Variants in NRXN3 observed in about 807,000 individuals in gnomAD.
The protein encoded by NRXN3 is neurexin 3, also known as neurexin III.
In NRXN3, 32 loss-of-function variants were observed where a neutral mutation model predicts 137.6. The observed-to-expected ratio is 0.23, with a 90% confidence interval of 0.18 to 0.31. The LOEUF (loss-of-function observed/expected upper bound fraction) is 0.31, where lower values mean the gene tolerates loss of function less well. Ranked by LOEUF, NRXN3 falls within the 10% of genes least tolerant of loss-of-function variation. The pLI, the probability that NRXN3 is intolerant of heterozygous loss-of-function variation, is 1.00. For synonymous variants in NRXN3, 798 were observed against 784.5 expected (o/e 1.02, Z -0.29); for missense variants, 1,574 against 2,062.5 (o/e 0.76, Z 4.59).
chr14:79,611,498 A>G (rs28633816), intron 16 of NRXN3: 55,182 of 152,142 alleles, frequency 0.36, 11,387 homozygotes, highest in African/African-American at 0.57. Context: ...TACCTGGGAG[A>G]CTGAGGCAGG....
chr14:79,837,843 ACT>A (rs1426823780), intron 20 of NRXN3, among the ~76,000 whole-genome samples: 1 of 151,984 alleles, frequency 6.6e-6, no homozygotes, highest in Non-Finnish European at 1.5e-5. Flanking sequence ...CAACATTTAA[ACT>A]CTTCATGCAG....
chr14:79,234,230 C>G (rs2153294755), intron 15 of NRXN3, among the ~76,000 whole-genome samples: 1 of 142,864 alleles, frequency 7.0e-6, no homozygotes, highest in East Asian at 2.1e-4. Flanking sequence ...AATACATTCC[C>G]TTAAATATCA....
intron 15 of NRXN3, among the ~76,000 whole-genome samples, chr14:79,200,191 T>A (rs75439379): frequency 0.016 from 2,488 of 152,296 alleles, 73 homozygotes; most frequent in African/African-American, 0.057. Flanking sequence ...AATAACCCAG[T>A]GAGAATACCC....
chr14:78,669,733 G>T (rs1304929793), intron 6 of NRXN3, among the ~76,000 whole-genome samples: 3 of 152,092 alleles, frequency 2.0e-5, no homozygotes, highest in Non-Finnish European at 4.4e-5. Flanking sequence ...ACCATATAGG[G>T]TGTCTTTTAA....
At chr14:78,801,210 A>G (rs2098837746) in intron 8 of NRXN3, among the ~76,000 whole-genome samples, 2 of 152,168 alleles carry the variant, frequency 1.3e-5, no homozygotes, top group African/African-American at 4.8e-5. Flanking sequence ...AGTCCCAGCT[A>G]CTTGCAAGGC....
intron 16 of NRXN3, among the ~76,000 whole-genome samples, chr14:79,502,842 T>A (rs2096838893): frequency 6.6e-6 from 1 of 151,888 alleles, no homozygotes; most frequent in Non-Finnish European, 1.5e-5. Flanking sequence ...CACTGCAAGC[T>A]CTCCCATGTT....
intron 17 of NRXN3, among the ~76,000 whole-genome samples, chr14:79,686,415 A>G (rs112715614): frequency 0.05 from 7,651 of 152,174 alleles, 277 homozygotes; most frequent in Middle Eastern, 0.16. Context: ...AAGGCTCCTT[A>G]CTGGGAGAAA....
At chr14:78,244,785 T>C (rs1180099517) in intron 2 of NRXN3, among the ~76,000 whole-genome samples, 1 of 152,182 alleles carries the variant, frequency 6.6e-6, no homozygotes, top group Non-Finnish European at 1.5e-5. Flanking sequence ...GGCACAGAGA[T>C]TGACTGCAGT....
chr14:78,769,546 T>C (rs2098720100), intron 8 of NRXN3, among the ~76,000 whole-genome samples: 1 of 152,242 alleles, frequency 6.6e-6, no homozygotes, highest in Non-Finnish European at 1.5e-5. Flanking sequence ...ACTGCAAAGA[T>C]AGAGCCTATA....
intron 6 of NRXN3, among the ~76,000 whole-genome samples, chr14:78,660,611 A>G (rs566949489): frequency 3.9e-5 from 6 of 152,192 alleles, no homozygotes; most frequent in Non-Finnish European, 8.8e-5. Context: ...TCTTGCCACC[A>G]TAGTGACCAA....
intron 4 of NRXN3, among the ~76,000 whole-genome samples, chr14:78,577,188 G>A (rs2096944346): frequency 6.6e-6 from 1 of 152,130 alleles, no homozygotes; most frequent in African/African-American, 2.4e-5. Flanking sequence ...TACTCCCCAA[G>A]TGTTCTAAGT....
At chr14:78,999,219 G>T (rs2099536564) in intron 15 of NRXN3, among the ~76,000 whole-genome samples, 1 of 152,122 alleles carries the variant, frequency 6.6e-6, no homozygotes, top group Non-Finnish European at 1.5e-5. Flanking sequence ...GCCTACGGAA[G>T]AAATGAAGGA....
chr14:79,514,277 A>G (rs1174476122), intron 16 of NRXN3, among the ~76,000 whole-genome samples: 3 of 151,126 alleles, frequency 2.0e-5, no homozygotes, highest in Admixed American at 2.0e-4. Flanking sequence ...GGGGCAGTAG[A>G]AAAACAAAGC....
chr14:78,718,086 C>T (rs758055244), intron 8 of NRXN3, among the ~76,000 whole-genome samples: 3 of 152,088 alleles, frequency 2.0e-5, no homozygotes, highest in African/African-American at 4.8e-5. Flanking sequence ...ATTAAGGAGC[C>T]CTGCCCCATT....
In NRXN3 at chr14:78,803,959, T is replaced by G. The variant is rs532429265; in HGVS notation, c.2248+136T>G. ...CACCTCTTGTTTAACAGACCCAGGA[T>G]AAAACCCAACAGCAGCGATCACCTT... On this transcript the variant is annotated intron_variant, in intron 9 of 20. Transcript: ENST00000335750. 27 of 826,588 alleles carry G rather than the reference T, an allele frequency of 3.3e-5. No individual in the cohort carries two copies. In the African/African-American group the frequency reaches 3.5e-4, roughly 11 times the overall value. 51.2% of individuals were successfully genotyped at this position (826,588 alleles called of 1,614,324 possible).
At position 78,680,421 on chromosome 14, in the gene NRXN3, A is replaced by G. The variant is rs533052365; in HGVS notation, c.1222-28796A>G. Among the ~76,000 whole-genome samples the G allele has an allele frequency of 5.3e-5, 8 of 152,320 alleles. No homozygotes were observed. In the South Asian group the frequency reaches 1.5e-3, roughly 28 times the overall value. On this transcript the variant is annotated intron_variant, in intron 6 of 20. Coordinates refer to ENST00000335750, the MANE Select transcript of NRXN3 (RefSeq NM_001330195.2). ...GCACCTTTTCTATTTATTACTGAAA[A>G]AATACATATTGTAAACCTTAAAAAA...
At chr14:79,005,811 G>C (rs2099551352) in intron 15 of NRXN3, among the ~76,000 whole-genome samples, 1 of 151,788 alleles carries the variant, frequency 6.6e-6, no homozygotes, top group African/African-American at 2.4e-5. Context: ...AGGACTATGT[G>C]ATTATTTTAC....
chr14:79,543,351 A>T (rs1248808955), intron 16 of NRXN3, among the ~76,000 whole-genome samples: 3 of 152,198 alleles, frequency 2.0e-5, no homozygotes, highest in African/African-American at 7.2e-5. Flanking sequence ...GTCTTCTACC[A>T]TTGAGATTGG....
intron 4 of NRXN3, among the ~76,000 whole-genome samples, chr14:78,383,075 C>G (rs980419701): frequency 3.9e-5 from 6 of 152,110 alleles, no homozygotes; most frequent in African/African-American, 1.4e-4. Flanking sequence ...AAATTCCTTC[C>G]AGTAAAGAAT....
Sources: allele counts gnomAD v4.1 joint callset (sites outside exome capture counted in the v4.1 genomes callset), GRCh38; gene constraint gnomAD v4.1.1; transcripts MANE v1.5; gene names NCBI Gene and HGNC (gene_info 2026-07-23, HGNC 2026-07-21).